Variants in LINGO2 observed in about 807,000 individuals in gnomAD.
LINGO2 encodes leucine-rich repeat and immunoglobulin-like domain-containing nogo receptor-interacting protein 2.
Under a neutral mutation model 30.6 loss-of-function variants are expected in LINGO2, and 14 were observed. The ratio of observed to expected loss-of-function variants is 0.46; its 90% CI spans 0.30 to 0.72. The LOEUF is 0.72. LINGO2 is among the 30% of genes least tolerant of loss of function. The pLI, the probability that LINGO2 is intolerant of heterozygous loss-of-function variation, is 0.07. For missense variants in LINGO2, 729 were observed against 751.7 expected (o/e 0.97, Z 0.35); for synonymous variants, 317 against 288.5 (o/e 1.10, Z -1.00).
At chr9:28,222,245 A>G (rs1196253209) in intron 4 of LINGO2, among the ~76,000 whole-genome samples, 1 of 152,180 alleles carries the variant, frequency 6.6e-6, no homozygotes, top group Non-Finnish European at 1.5e-5. Context: ...GTGAAGAGGC[A>G]CTGAATATTT....
At chr9:28,062,696 T>TATAAAATCAA (rs1825192994) in intron 4 of LINGO2, among the ~76,000 whole-genome samples, 1 of 148,796 alleles carries the variant, frequency 6.7e-6, no homozygotes, top group Non-Finnish European at 1.5e-5. Context: ...TTTGTATATA[T>TATAAAATCAA]ATATACAAAA....
intron 4 of LINGO2, among the ~76,000 whole-genome samples, chr9:28,233,061 T>TATATATA (rs60875467): frequency 2.7e-4 from 32 of 118,768 alleles, no homozygotes; most frequent in African/African-American, 4.3e-4. Flanking sequence ...TATATATATA[T>TATATATA]TAGATATATA....
At chr9:28,233,467 G>A (rs1483386278) in intron 4 of LINGO2, among the ~76,000 whole-genome samples, 5 of 152,022 alleles carry the variant, frequency 3.3e-5, no homozygotes, top group Non-Finnish European at 4.4e-5. Context: ...AAAATGTTAT[G>A]AGCAGTCATT....
At chr9:28,288,852 G>A (rs937413426) in intron 4 of LINGO2, among the ~76,000 whole-genome samples, 1 of 152,140 alleles carries the variant, frequency 6.6e-6, no homozygotes, top group Non-Finnish European at 1.5e-5. Context: ...ATACACAGGT[G>A]CTATTTAAGT....
the LINGO2 span, among the ~76,000 whole-genome samples, chr9:29,212,771 G>A: frequency 1.3e-5 from 2 of 152,134 alleles, no homozygotes; most frequent in Non-Finnish European, 2.9e-5. Flanking sequence ...GCGCCGCACC[G>A]GCTACTCCCT....
chr9:28,013,784 T>C (rs1822679514), intron 4 of LINGO2, among the ~76,000 whole-genome samples: 1 of 152,182 alleles, frequency 6.6e-6, no homozygotes, highest in African/African-American at 2.4e-5. Flanking sequence ...TGGAAATCAG[T>C]AAGTTCAAGG....
chr9:28,802,987 A>T, the LINGO2 span, among the ~76,000 whole-genome samples: 1 of 152,076 alleles, frequency 6.6e-6, no homozygotes, highest in African/African-American at 2.4e-5. Flanking sequence ...AAAACATAAA[A>T]TGTTAGAAAT....
chr9:28,879,625 T>C, the LINGO2 span, among the ~76,000 whole-genome samples: 1 of 152,194 alleles, frequency 6.6e-6, no homozygotes, highest in Non-Finnish European at 1.5e-5. Flanking sequence ...TAGTTTTTAA[T>C]TGGCTCACAC....
chr9:28,339,931 A>C (rs943707172), intron 3 of LINGO2, among the ~76,000 whole-genome samples: 1 of 152,162 alleles, frequency 6.6e-6, no homozygotes, highest in African/African-American at 2.4e-5. Context: ...ATAGGTGCCT[A>C]CTGGCTTTAC....
At chr9:28,850,578 C>T in the LINGO2 span, among the ~76,000 whole-genome samples, 1 of 151,994 alleles carries the variant, frequency 6.6e-6, no homozygotes, top group Admixed American at 6.6e-5. Context: ...TAGAATAAAA[C>T]CTCCAGCTTT....
intron 1 of LINGO2, among the ~76,000 whole-genome samples, chr9:28,555,748 A>G (rs1444765786): frequency 1.3e-5 from 2 of 152,122 alleles, no homozygotes; most frequent in Non-Finnish European, 1.5e-5. Context: ...AAAATCCTCA[A>G]TAAAATACTG....
At chr9:28,131,795 A>G (rs776481581) in intron 4 of LINGO2, among the ~76,000 whole-genome samples, 135 of 152,322 alleles carry the variant, frequency 8.9e-4, no homozygotes, top group Non-Finnish European at 1.7e-3. Context: ...AACAAAATTT[A>G]TCAATGCATC....
chr9:28,966,879 G>T, the LINGO2 span, among the ~76,000 whole-genome samples: 1 of 151,640 alleles, frequency 6.6e-6, no homozygotes, highest in Non-Finnish European at 1.5e-5. Flanking sequence ...AGAGGTAGGG[G>T]GTACACTTTT....
At chr9:27,950,260 C>G (rs1819224587) in exon 6 of LINGO2, 1 of 1,613,948 alleles carries the variant, frequency 6.2e-7, no homozygotes, top group African/African-American at 1.3e-5. Context: ...ATCTTATTCT[C>G]ACTAATGTCA....
chr9:28,763,803 AGAG>A, the LINGO2 span, among the ~76,000 whole-genome samples: 2 of 151,670 alleles, frequency 1.3e-5, no homozygotes, highest in Non-Finnish European at 2.9e-5. Context: ...AGAGAGAGAG[AGAG>A]GATACAAATA....
At chr9:28,831,524 T>C in the LINGO2 span, among the ~76,000 whole-genome samples, 1 of 152,118 alleles carries the variant, frequency 6.6e-6, no homozygotes, top group Non-Finnish European at 1.5e-5. Context: ...AGAGCAGATT[T>C]AAACCCAGGT....
chr9:28,502,796 T>C (rs1442409109), intron 1 of LINGO2, among the ~76,000 whole-genome samples: 5 of 152,138 alleles, frequency 3.3e-5, no homozygotes, highest in Admixed American at 2.6e-4. Flanking sequence ...CATTCCTTTT[T>C]ACACAAGTAT....
chr9:28,868,723 G>A, the LINGO2 span, among the ~76,000 whole-genome samples: 1 of 152,014 alleles, frequency 6.6e-6, no homozygotes, highest in East Asian at 1.9e-4. Flanking sequence ...CTTATATTTG[G>A]AACAGCAGTT....
At chr9:29,022,553 T>C in the LINGO2 span, among the ~76,000 whole-genome samples, 1 of 152,210 alleles carries the variant, frequency 6.6e-6, no homozygotes, top group Non-Finnish European at 1.5e-5. Flanking sequence ...ATGTGGGTCT[T>C]ACGGTTGATC....
Sources: allele counts gnomAD v4.1 joint callset (sites outside exome capture counted in the v4.1 genomes callset), GRCh38; gene constraint gnomAD v4.1.1; transcripts MANE v1.5; gene names NCBI Gene and HGNC (gene_info 2026-07-23, HGNC 2026-07-21).